The following VPS13B variants were observed in gnomAD, a reference collection of about 807,000 sequenced individuals.
VPS13B encodes the protein vacuolar protein sorting 13 homolog B.
Under a neutral mutation model 426.4 loss-of-function variants are expected in VPS13B, and 285 were observed. The observed-to-expected ratio is 0.67, with a 90% CI of 0.61 to 0.74. The LOEUF (loss-of-function observed/expected upper bound fraction) is 0.74, where lower values mean the gene tolerates loss of function less well. Among genes scored for constraint, VPS13B ranks in the 30% least tolerant of loss-of-function variants. The pLI, the probability that VPS13B is intolerant of heterozygous loss-of-function variation, is 0.00. For synonymous variants in VPS13B, 1,676 were observed against 1,676.4 expected (o/e 1.00, Z 0.01); for missense variants, 4,537 against 4,782.6 (o/e 0.95, Z 1.51).
intron 5 of VPS13B, among the ~76,000 whole-genome samples, chr8:99,106,500 T>C (rs1193271595): frequency 1.5e-5 from 2 of 134,162 alleles, no homozygotes; most frequent in Non-Finnish European, 3.2e-5. Flanking sequence ...CTAAACGACA[T>C]ACCACAAAAT....
At chr8:99,111,719 T>C (rs1847380647) in intron 6 of VPS13B, among the ~76,000 whole-genome samples, 1 of 152,186 alleles carries the variant, frequency 6.6e-6, no homozygotes, top group African/African-American at 2.4e-5. Context: ...TAATAGTTTA[T>C]TGGTTCAAGA....
rs191873956 is a variant in VPS13B at position 99,666,507 on chromosome 8, C to T, written c.6046+5016C>T. On this transcript the variant is annotated intron_variant, in intron 35 of 61. Transcript: ENST00000357162. ...TGGGATGCAAGGTTGGTTCAACATA[C>T]ACAAATCAATAAATGTTATCCAGCA... is the stretch of plus-strand genomic sequence containing the variant. 2.3e-3 allele frequency among the ~76,000 whole-genome samples: 355 copies of T among 152,284 alleles called. 3 individuals carry two copies. The highest frequency in any genetic ancestry group is 8.2e-3 in the African/African-American group (340 of 41,560).
chr8:99,518,801 A>T (rs1223404901), intron 29 of VPS13B, among the ~76,000 whole-genome samples: 1 of 152,206 alleles, frequency 6.6e-6, no homozygotes. Flanking sequence ...CTGGAAATAC[A>T]GCTGGAAATA....
intron 13 of VPS13B, among the ~76,000 whole-genome samples, chr8:99,144,531 A>G (rs907736042): frequency 1.3e-5 from 2 of 150,816 alleles, no homozygotes; most frequent in Non-Finnish European, 3.0e-5. Context: ...TGAAATTTCT[A>G]TTACTTTACT....
At chr8:99,716,300 G>A (rs755442438) in intron 36 of VPS13B, among the ~76,000 whole-genome samples, 12 of 152,012 alleles carry the variant, frequency 7.9e-5, no homozygotes, top group Non-Finnish European at 1.6e-4. Flanking sequence ...GTGGGCCTAA[G>A]GTGTTTTTTA....
At chr8:99,162,671 TGGTCTCGCTGGGCTCAG>T (rs1445691411) in intron 15 of VPS13B, among the ~76,000 whole-genome samples, 1 of 152,172 alleles carries the variant, frequency 6.6e-6, no homozygotes. Context: ...GGTGGGCTCA[TGGTCTCGCTGGGCTCAG>T]GAGCGAAGCT....
At chr8:99,526,878 G>T (rs942230795) in intron 30 of VPS13B, among the ~76,000 whole-genome samples, 1 of 152,064 alleles carries the variant, frequency 6.6e-6, no homozygotes, top group African/African-American at 2.4e-5. Context: ...ATGAGGTCTT[G>T]TTTGAGGCCT....
rs555468215 is a variant in VPS13B at position 99,655,294 on chromosome 8, A to G, written c.5909-6060A>G. Reference sequence around the variant, plus strand: ...AAAGAGTTTTGATACTTTTTACAATATGAATAAAGAGCACTGAATCTTAAA... The same window carrying G: ...AAAGAGTTTTGATACTTTTTACAATGTGAATAAAGAGCACTGAATCTTAAA... On this transcript the variant is annotated intron_variant, in intron 34 of 61. Coordinates refer to ENST00000357162, the MANE Select transcript of VPS13B (RefSeq NM_152564.5). Among the ~76,000 whole-genome samples the G allele has an allele frequency of 2.0e-5, 3 of 152,362 alleles. No individual in the cohort carries two copies. The South Asian group carries it at 6.2e-4, about 32-fold the overall frequency.
At chr8:99,081,558 A>G (rs1191286975) in intron 3 of VPS13B, among the ~76,000 whole-genome samples, 2 of 142,732 alleles carry the variant, frequency 1.4e-5, no homozygotes, top group African/African-American at 2.7e-5. Flanking sequence ...TATATCTCCA[A>G]ATGCTATCCC....
At chr8:99,515,703 G>A (rs28409093) in intron 29 of VPS13B, among the ~76,000 whole-genome samples, 9,567 of 151,926 alleles carry the variant, frequency 0.063, 561 homozygotes, top group African/African-American at 0.16. Flanking sequence ...GTATGTATCT[G>A]TAGAATAAAT....
intron 25 of VPS13B, among the ~76,000 whole-genome samples, chr8:99,496,853 T>C (rs1219227628): frequency 6.6e-6 from 1 of 151,984 alleles, no homozygotes; most frequent in Non-Finnish European, 1.5e-5. Context: ...TAAATGTGAT[T>C]TTAAAGGATT....
chr8:99,417,913 G>A (rs1466777194), intron 21 of VPS13B, among the ~76,000 whole-genome samples: 1 of 151,888 alleles, frequency 6.6e-6, no homozygotes, highest in African/African-American at 2.4e-5. Context: ...AACCTAAATA[G>A]TTGACGTGAT....
chr8:99,219,450 G>T (rs1815570976), intron 17 of VPS13B, among the ~76,000 whole-genome samples: 1 of 152,188 alleles, frequency 6.6e-6, no homozygotes, highest in African/African-American at 2.4e-5. Context: ...TCTCCCCAAG[G>T]GATGTGTCTT....
At chr8:99,723,478 A>C (rs777547668) in intron 39 of VPS13B, among the ~76,000 whole-genome samples, 12 of 152,162 alleles carry the variant, frequency 7.9e-5, no homozygotes, top group Non-Finnish European at 5.9e-5. Flanking sequence ...CAAATATTCC[A>C]AAATCTGAAA....
Position 99,699,674 on chromosome 8 carries a change from A to G in VPS13B, c.6196A>G (p.Asn2066Asp), listed in dbSNP as rs1283709676. 2.5e-6 allele frequency: 4 copies of G among 1,614,070 alleles called. No homozygotes were observed. Among genetic ancestry groups the G allele is most frequent in the Non-Finnish European group, 3.4e-6 (4 of 1,180,034 alleles). Residue 2066 changes from asparagine (N) to aspartate (D), a missense_variant, in exon 36 of 62, where the codon AAT becomes GAT. Transcript: ENST00000357162. ...TTCAGCCATGTCCAACACCATGGTGAATAAGGATGATCTTCCAGTCTCCAA... is the reference window on the plus strand; with the variant it reads ...TTCAGCCATGTCCAACACCATGGTGGATAAGGATGATCTTCCAGTCTCCAA... ...ETSAMSNTMV[N>D]KDDLPVSKYY... is the part of the protein sequence containing the mutation.
intron 3 of VPS13B, among the ~76,000 whole-genome samples, chr8:99,060,083 A>AGGG: frequency 6.6e-6 from 1 of 152,084 alleles, no homozygotes; most frequent in Non-Finnish European, 1.5e-5. Context: ...ATTTGAGAAC[A>AGGG]TTATTGAAAA....
intron 12 of VPS13B, among the ~76,000 whole-genome samples, chr8:99,140,375 A>AT (rs1249934002): frequency 6.6e-6 from 1 of 151,388 alleles, no homozygotes; most frequent in Non-Finnish European, 1.5e-5. Flanking sequence ...TCTCAAAAAA[A>AT]AAAAAAAAAA....
chr8:99,465,515 G>A (rs1249763653), intron 23 of VPS13B, among the ~76,000 whole-genome samples: 3 of 151,394 alleles, frequency 2.0e-5, no homozygotes, highest in Non-Finnish European at 4.4e-5. Context: ...ATGTTATTTG[G>A]GATTTTTAAA....
At chr8:99,486,997 A>G (rs924128487) in intron 25 of VPS13B, among the ~76,000 whole-genome samples, 16 of 152,150 alleles carry the variant, frequency 1.1e-4, no homozygotes, top group African/African-American at 3.6e-4. Flanking sequence ...TGGTGACACC[A>G]GTAGGCTTAA....
Sources: gnomAD v4.1 joint callset for allele counts (sites outside exome capture counted in the v4.1 genomes callset) on GRCh38, gnomAD v4.1.1 for gene constraint, MANE v1.5 for transcripts, NCBI Gene and HGNC (gene_info 2026-07-23, HGNC 2026-07-21) for gene names.